RXFP1: variants seen among roughly 807,000 people sequenced by gnomAD.
RXFP1 encodes relaxin family peptide receptor 1, also known as relaxin receptor 1.
A neutral mutation model predicts 89.8 loss-of-function variants in RXFP1; 73 were observed. That is an observed-to-expected ratio of 0.81 (90% CI 0.67 to 0.99). The LOEUF (loss-of-function observed/expected upper bound fraction) is 0.99. RXFP1 is among the 50% of genes least tolerant of loss of function. RXFP1 has a pLI of 0.00. For synonymous variants in RXFP1, 277 were observed against 305.5 expected (o/e 0.91, Z 0.97); for missense variants, 793 against 895.5 (o/e 0.89, Z 1.46).
chr4:158,619,783 G>A lies in RXFP1; in HGVS notation c.755+2578G>A, dbSNP rs190127773. Among the ~76,000 whole-genome samples the A allele has an allele frequency of 2.6e-5, 4 of 151,256 alleles. No homozygotes were observed. In the East Asian group the frequency reaches 6.0e-4, roughly 23 times the overall value. On this transcript the variant is annotated intron_variant, in intron 9 of 17. Transcript: ENST00000307765. ...AGGCAAAGGTCCATTACTTCCATAG[G>A]AGGAATAGAAACTAGAGCATTCTGC...
intron 2 of RXFP1, among the ~76,000 whole-genome samples, chr4:158,577,041 TTC>T (rs1756396497): frequency 6.6e-6 from 1 of 151,884 alleles, no homozygotes; most frequent in South Asian, 2.1e-4. Flanking sequence ...TTCTTCTTCT[TTC>T]TTCTTTTTCT....
At chr4:158,616,988 C>CAAA (rs11321888) in intron 8 of RXFP1, 143 bp from the exon 9 acceptor site, 59 of 443,260 alleles carry the variant, frequency 1.3e-4, no homozygotes, top group Middle Eastern at 3.4e-4. Context: ...GCCTCCATCT[C>CAAA]AAAAAAAAAA....
At chr4:158,599,539 T>C (rs1280172263) in intron 4 of RXFP1, 108 bp downstream of exon 4, 3 of 924,640 alleles carry the variant, frequency 3.2e-6, no homozygotes, top group Non-Finnish European at 4.7e-6. Flanking sequence ...TCAAAGATGA[T>C]GTCATTTTTC....
chr4:158,617,393 T>C lies in RXFP1; in HGVS notation c.755+188T>C, dbSNP rs1048913066. 4.1e-5 allele frequency among the ~76,000 whole-genome samples: 6 copies of C among 147,458 alleles called. No homozygotes were observed. In the South Asian group the frequency reaches 1.3e-3, roughly 31 times the overall value. On this transcript the variant is annotated intron_variant, in intron 9 of 17. Coordinates refer to ENST00000307765, the MANE Select transcript of RXFP1 (RefSeq NM_021634.4). ...TCTACATTATCTAAACTAACATCTCTAAACTCTCAGCAAAATAAAACATCT... is the reference window on the plus strand; with the variant it reads ...TCTACATTATCTAAACTAACATCTCCAAACTCTCAGCAAAATAAAACATCT...
chr4:158,581,233 G>T (rs545950400), intron 2 of RXFP1, among the ~76,000 whole-genome samples: 16 of 152,222 alleles, frequency 1.1e-4, no homozygotes, highest in South Asian at 2.1e-4. Context: ...AATCCTTTAA[G>T]CACATTCTCT....
chr4:158,641,247 T>C lies in RXFP1; in HGVS notation c.1115+1916T>C, dbSNP rs145455214. On this transcript the variant is annotated intron_variant, in intron 14 of 17. Coordinates refer to ENST00000307765, the MANE Select transcript of RXFP1 (RefSeq NM_021634.4). ...ATAACACAGAATCTGAGGAATAATT[T>C]ATAGCCTCTGGAATTATCCATCCAA... Among the ~76,000 whole-genome samples, 774 of 152,320 alleles carry C rather than the reference T, an allele frequency of 5.1e-3. 8 individuals carry two copies. The highest frequency in any genetic ancestry group is 0.018 in the African/African-American group (744 of 41,568).
chr4:158,651,688 A>C, intron 17 of RXFP1, 69 bp from the exon 18 acceptor site: 1 of 1,240,550 alleles, frequency 8.1e-7, no homozygotes, highest in Non-Finnish European at 1.1e-6. Flanking sequence ...TGAAAGAAAC[A>C]GGGAAATTGG....
Position 158,646,994 on chromosome 4 carries a change from C to A in RXFP1, c.1549C>A (p.Pro517Thr). Residue 517 changes from proline (P) to threonine (T), a missense_variant, in exon 16 of 18, where the codon CCT (proline) becomes ACT (threonine). Physicochemically the swap from Pro to Thr is conservative, Grantham distance 38. Coordinates refer to ENST00000307765, the MANE Select transcript of RXFP1 (RefSeq NM_021634.4). ...TLEKYICIVYPFRCVRPGKCR... is the reference protein window; with the variant it reads ...TLEKYICIVYTFRCVRPGKCR... ...GGAAAAATACATCTGCATTGTCTAT[C>A]CTTTTAGATGTGTGAGACCTGGAAA... 1 of 1,614,022 alleles carries A rather than the reference C, an allele frequency of 6.2e-7. No homozygotes were observed. Among genetic ancestry groups the A allele is most frequent in the Non-Finnish European group, 8.5e-7 (1 of 1,179,940 alleles).
At chr4:158,530,477 T>C (rs1743753897) in intron 1 of RXFP1, among the ~76,000 whole-genome samples, 1 of 152,246 alleles carries the variant, frequency 6.6e-6, no homozygotes, top group African/African-American at 2.4e-5. Flanking sequence ...GTTTGATTCA[T>C]TTTCAATGGT....
intron 1 of RXFP1, among the ~76,000 whole-genome samples, chr4:158,544,865 G>C (rs940732095): frequency 6.6e-6 from 1 of 152,190 alleles, no homozygotes; most frequent in Non-Finnish European, 1.5e-5. Context: ...CATTTGGGTT[G>C]ATTCCAAGTC....
intron 1 of RXFP1, among the ~76,000 whole-genome samples, chr4:158,568,228 A>G (rs909964761): frequency 1.3e-5 from 2 of 152,230 alleles, no homozygotes; most frequent in African/African-American, 4.8e-5. Flanking sequence ...ACTCAACGCG[A>G]GGGTCTGCGG....
intron 1 of RXFP1, among the ~76,000 whole-genome samples, chr4:158,529,801 A>G (rs1318982929): frequency 6.6e-6 from 1 of 152,182 alleles, no homozygotes. Flanking sequence ...CAAAATACCC[A>G]CAAAGAGAAA....
At chr4:158,558,159 G>C (rs1751706307) in intron 1 of RXFP1, among the ~76,000 whole-genome samples, 1 of 152,104 alleles carries the variant, frequency 6.6e-6, no homozygotes, top group African/African-American at 2.4e-5. Context: ...TCACCTTTAG[G>C]AGTAAATAAG....
chr4:158,633,504 C>A, intron 12 of RXFP1, 28 bp downstream of exon 12: 1 of 1,381,586 alleles, frequency 7.2e-7, no homozygotes, highest in Non-Finnish European at 1.0e-6. Context: ...TTTGCCACCT[C>A]GTTTCTTTAT....
intron 9 of RXFP1, among the ~76,000 whole-genome samples, 173 bp from the exon 10 acceptor site, chr4:158,626,647 T>C (rs945982892): frequency 6.6e-6 from 1 of 151,964 alleles, no homozygotes; most frequent in African/African-American, 2.4e-5. Flanking sequence ...GTGTATAATA[T>C]AGATATTTAT....
intron 1 of RXFP1, among the ~76,000 whole-genome samples, chr4:158,568,607 T>C (rs747813892): frequency 6.6e-5 from 10 of 152,024 alleles, no homozygotes; most frequent in Admixed American, 1.3e-4. Context: ...GTGATGGCCT[T>C]TTTTTTTACT....
At chr4:158,593,561 T>G in intron 3 of RXFP1, 62 bp downstream of exon 3, 2 of 850,388 alleles carry the variant, frequency 2.4e-6, no homozygotes, top group Non-Finnish European at 3.5e-6. Context: ...TTTTAAAAGT[T>G]TGATTCAACA....
At chr4:158,631,389 A>G (rs1767996305) in intron 11 of RXFP1, among the ~76,000 whole-genome samples, 1 of 152,206 alleles carries the variant, frequency 6.6e-6, no homozygotes, top group Non-Finnish European at 1.5e-5. Context: ...GATGGAGAAA[A>G]CAGCTAGTCC....
intron 12 of RXFP1, among the ~76,000 whole-genome samples, chr4:158,635,556 T>C (rs550495021): frequency 2.0e-5 from 3 of 152,348 alleles, no homozygotes; most frequent in East Asian, 1.9e-4. Context: ...TCCAACATTA[T>C]GTTGAATGAA....
Sources: allele counts gnomAD v4.1 joint callset (sites outside exome capture counted in the v4.1 genomes callset), GRCh38; gene constraint gnomAD v4.1.1; transcripts MANE v1.5; gene names NCBI Gene and HGNC (gene_info 2026-07-23, HGNC 2026-07-21).